BTBD8: variants seen among roughly 807,000 people sequenced by gnomAD.
BTBD8 encodes the protein BTB/POZ domain-containing protein 8.
A neutral mutation model predicts 162.9 loss-of-function variants in BTBD8; 110 were observed. That is an observed-to-expected ratio of 0.68 (90% CI 0.58 to 0.79). The LOEUF (loss-of-function observed/expected upper bound fraction) is 0.79, where lower values mean the gene tolerates loss of function less well. BTBD8 is among the 30% of genes least tolerant of loss of function. The probability of loss-of-function intolerance (pLI) is 0.00; values close to 1 mark genes in which losing one functional copy is unlikely to be tolerated. For missense variants in BTBD8, 1,905 were observed against 2,085.4 expected (o/e 0.91, Z 1.68); for synonymous variants, 667 against 716.1 (o/e 0.93, Z 1.10).
At chr1:92,128,700 G>A (rs745731133) in intron 4 of BTBD8, among the ~76,000 whole-genome samples, 17 of 152,196 alleles carry the variant, frequency 1.1e-4, no homozygotes, top group Non-Finnish European at 2.2e-4. Context: ...GATGACAGGC[G>A]TGAGTCACCG....
chr1:92,117,042 T>G (rs1443661221), intron 4 of BTBD8, among the ~76,000 whole-genome samples: 1 of 151,712 alleles, frequency 6.6e-6, no homozygotes, highest in African/African-American at 2.4e-5. Context: ...TAGAGATGGG[T>G]TCTCGCATTA....
intron 3 of BTBD8, among the ~76,000 whole-genome samples, chr1:92,105,251 A>C (rs1012826734): frequency 7.1e-6 from 1 of 141,794 alleles, no homozygotes; most frequent in Non-Finnish European, 1.5e-5. Flanking sequence ...TTTATTTTTT[A>C]AATTTTTATT....
chr1:92,152,795 A>C (rs1331494573), intron 9 of BTBD8, among the ~76,000 whole-genome samples: 2 of 152,054 alleles, frequency 1.3e-5, no homozygotes, highest in Non-Finnish European at 2.9e-5. Flanking sequence ...CTTTGTGGTG[A>C]ATACTTGACA....
In BTBD8 at chr1:92,172,335, G is replaced by T. The variant is rs970401658; in HGVS notation, c.1635+875G>T. On this transcript the variant is annotated intron_variant, in intron 13 of 17. Coordinates refer to ENST00000636805, the MANE Select transcript of BTBD8 (RefSeq NM_001376131.1). ...TTTGCAAGATGAAAAGTTTTCTGTT[G>T]TGCAACGAAGTGCATGCAGCTAACA... Among the ~76,000 whole-genome samples, 32 of 152,180 alleles carry T rather than the reference G, an allele frequency of 2.1e-4. 1 individual carries two copies. Among genetic ancestry groups the T allele is most frequent in the Non-Finnish European group, 4.3e-4 (29 of 68,026 alleles).
intron 4 of BTBD8, among the ~76,000 whole-genome samples, chr1:92,129,480 T>C (rs1649453879): frequency 6.6e-6 from 1 of 151,888 alleles, no homozygotes; most frequent in Non-Finnish European, 1.5e-5. Flanking sequence ...AGGAAGATCC[T>C]GTCTCTTAAA....
intron 2 of BTBD8, among the ~76,000 whole-genome samples, chr1:92,089,717 C>G (rs1648248569): frequency 6.6e-6 from 1 of 152,106 alleles, no homozygotes; most frequent in Admixed American, 6.6e-5. Context: ...GAGGATGGAG[C>G]CCTCATGACC....
intron 4 of BTBD8, among the ~76,000 whole-genome samples, chr1:92,126,938 TA>T (rs1385548164): frequency 2.6e-5 from 4 of 152,188 alleles, no homozygotes; most frequent in Non-Finnish European, 5.9e-5. Context: ...AGAAAAATCT[TA>T]ATATAGTAGA....
At chr1:92,113,519 G>A (rs1367138166) in intron 4 of BTBD8, among the ~76,000 whole-genome samples, 1 of 152,216 alleles carries the variant, frequency 6.6e-6, no homozygotes, top group African/African-American at 2.4e-5. Context: ...GAAAAGTTGG[G>A]CAAGGCCATT....
Position 92,184,473 on chromosome 1 carries a change from A to G in BTBD8, c.*143A>G, listed in dbSNP as rs913622586. The G allele has an allele frequency of 1.9e-6, 1 of 539,546 alleles. No homozygotes were observed. Among genetic ancestry groups the G allele is most frequent in the Non-Finnish European group, 3.2e-6 (1 of 313,898 alleles). The allele number at this position is 539,546 out of a possible 1,614,324, so 33.4% of individuals were successfully genotyped here. A position where few individuals can be genotyped will look rare whatever the true frequency, so the allele number is the denominator to read the frequency against. On this transcript the variant is annotated 3_prime_UTR_variant, in exon 18 of 18. Transcript: ENST00000636805. ...TTAATGAGGTAAACATAGTTTATTT[A>G]TTAATATATCACATATAGAAAAATG...
chr1:92,174,998 A>C (rs1272795326), intron 13 of BTBD8, among the ~76,000 whole-genome samples: 1 of 152,208 alleles, frequency 6.6e-6, no homozygotes. Flanking sequence ...CTGCATATCA[A>C]AATATGCAAT....
chr1:92,132,115 CTCT>C (rs1209412277), intron 5 of BTBD8, among the ~76,000 whole-genome samples: 1 of 152,206 alleles, frequency 6.6e-6, no homozygotes, highest in Non-Finnish European at 1.5e-5. Context: ...GCTCAGACTG[CTCT>C]TCTTCTCCAC....
chr1:92,166,942 T>A lies in BTBD8; in HGVS notation c.1123-16T>A. ...AGTAATAGCATCTAACTTTCCAATT[T>A]TTTTTTAAATCTAAGAATGATAAGA... On this transcript the variant is annotated splice_polypyrimidine_tract_variant and intron_variant, in intron 9 of 17. Transcript: ENST00000636805. 1 of 1,526,166 alleles carries A rather than the reference T, an allele frequency of 6.6e-7. No homozygotes were observed. Among genetic ancestry groups the A allele is most frequent in the Non-Finnish European group, 8.8e-7 (1 of 1,135,084 alleles). The allele number at this position is 1,526,166 out of a possible 1,614,324, so 94.5% of individuals were successfully genotyped here. A position where few individuals can be genotyped will look rare whatever the true frequency, so the allele number is the denominator to read the frequency against.
intron 2 of BTBD8, among the ~76,000 whole-genome samples, chr1:92,094,074 T>G (rs1648386010): frequency 6.6e-6 from 1 of 152,214 alleles, no homozygotes; most frequent in East Asian, 1.9e-4. Flanking sequence ...GTGCATTATC[T>G]TGTTTTATTT....
At chr1:92,173,100 T>C (rs769053285) in intron 13 of BTBD8, among the ~76,000 whole-genome samples, 13 of 152,188 alleles carry the variant, frequency 8.5e-5, no homozygotes, top group Non-Finnish European at 1.8e-4. Flanking sequence ...TAATTTTGTA[T>C]TTTTAGTAGA....
At chr1:92,084,993 C>T (rs546597337) in intron 1 of BTBD8, among the ~76,000 whole-genome samples, 15 of 152,334 alleles carry the variant, frequency 9.8e-5, no homozygotes, top group Middle Eastern at 3.4e-3. Flanking sequence ...AGCTCTTACT[C>T]AGTCTTTAAA....
chr1:92,108,153 C>T (rs1570722528), intron 4 of BTBD8, 152 bp downstream of exon 4: 1 of 757,540 alleles, frequency 1.3e-6, no homozygotes, highest in Non-Finnish European at 2.3e-6. Context: ...TGTGATTCCT[C>T]AGGGGGAGTC....
intron 5 of BTBD8, among the ~76,000 whole-genome samples, chr1:92,130,918 G>T (rs949192033): frequency 5.3e-5 from 8 of 152,284 alleles, no homozygotes; most frequent in African/African-American, 1.9e-4. Flanking sequence ...GGCCAGGCTG[G>T]CCTTGAACTC....
chr1:92,123,776 CAAA>C (rs529220915), intron 4 of BTBD8, among the ~76,000 whole-genome samples: 6 of 84,492 alleles, frequency 7.1e-5, no homozygotes, highest in Admixed American at 1.6e-4. Flanking sequence ...GACTCCGTCT[CAAA>C]AAAAAAAAAA....
chr1:92,153,128 GTT>G (rs5776138), intron 9 of BTBD8, among the ~76,000 whole-genome samples: 1 of 151,602 alleles, frequency 6.6e-6, no homozygotes, highest in African/African-American at 2.4e-5. Context: ...TATTAATAGT[GTT>G]TTTTTTAAAT....
Sources: gnomAD v4.1 joint callset for allele counts (sites outside exome capture counted in the v4.1 genomes callset) on GRCh38, gnomAD v4.1.1 for gene constraint, MANE v1.5 for transcripts, NCBI Gene and HGNC (gene_info 2026-07-23, HGNC 2026-07-21) for gene names.